Variants in MLLT1 observed in about 807,000 individuals in gnomAD.
MLLT1 encodes MLLT1 super elongation complex subunit, also known as protein ENL.
In MLLT1, 11 loss-of-function variants were observed where a neutral mutation model predicts 55.1. The observed-to-expected ratio is 0.20, with a 90% CI of 0.13 to 0.33. The LOEUF is 0.33. Ranked by LOEUF, MLLT1 falls within the 10% of genes least tolerant of loss-of-function variation. MLLT1 has a pLI of 1.00. For missense variants in MLLT1, 536 were observed against 760.6 expected (o/e 0.70, Z 3.47); for synonymous variants, 323 against 320.1 (o/e 1.01, Z -0.10).
chr19:6,256,953 G>C lies in MLLT1; in HGVS notation c.276+5275C>G, dbSNP rs879852082. ...CGAAAGAACAGTCTCTTCAGTGAAC[G>C]GTGCTGGGACACCTGGAAAACCACA... On this transcript the variant is annotated intron_variant, in intron 3 of 11. Transcript: ENST00000252674. This position sits in a 1 kb window ranked among gnomAD's most constrained non-coding sequence, Gnocchi z 4.1. Among the ~76,000 whole-genome samples the C allele has an allele frequency of 6.6e-6, 1 of 152,102 alleles. No homozygotes were observed. The highest frequency in any genetic ancestry group is 2.4e-5 in the African/African-American group (1 of 41,388).
At chr19:6,243,747 A>G (rs2091138246) in intron 3 of MLLT1, among the ~76,000 whole-genome samples, 1 of 151,974 alleles carries the variant, frequency 6.6e-6, no homozygotes, top group African/African-American at 2.4e-5. Context: ...AGCCTCACAT[A>G]AGAAGAAGTC....
intron 5 of MLLT1, among the ~76,000 whole-genome samples, chr19:6,223,255 G>C (rs2090921545): frequency 6.6e-6 from 1 of 152,222 alleles, no homozygotes; most frequent in African/African-American, 2.4e-5. Context: ...CTGGCTTCGG[G>C]AAGCCAACTG....
At position 6,235,239 on chromosome 19, in the gene MLLT1, G is replaced by A. The variant is rs759794578; in HGVS notation, c.277-4526C>T. 1.2e-4 allele frequency among the ~76,000 whole-genome samples: 18 copies of A among 152,214 alleles called. No individual in the cohort carries two copies. The highest frequency in any genetic ancestry group is 2.0e-4 in the Admixed American group (3 of 15,284). On this transcript the variant is annotated intron_variant, in intron 3 of 11. Coordinates refer to ENST00000252674, the MANE Select transcript of MLLT1 (RefSeq NM_005934.4). The surrounding 1 kb of genome is among the most constrained non-coding windows in gnomAD (Gnocchi z 5.5). Reference sequence around the variant, plus strand: ...TTTCCCTGGTAACTTCTGAGTGGACGCTGGCAGCACGGCTGTGCAGAGGAT... The same window carrying A: ...TTTCCCTGGTAACTTCTGAGTGGACACTGGCAGCACGGCTGTGCAGAGGAT...
chr19:6,242,116 C>A (rs1391560106), intron 3 of MLLT1, among the ~76,000 whole-genome samples: 1 of 152,210 alleles, frequency 6.6e-6, no homozygotes, highest in Non-Finnish European at 1.5e-5. Flanking sequence ...TGCCTCCCAG[C>A]CTCCCTGCCT....
intron 6 of MLLT1, among the ~76,000 whole-genome samples, chr19:6,221,502 C>A (rs1408331050): frequency 6.6e-6 from 1 of 152,178 alleles, no homozygotes; most frequent in Non-Finnish European, 1.5e-5. Flanking sequence ...TGACAGGGGT[C>A]CTCGTTCCAA....
chr19:6,262,181 GGGTCCC>G lies in MLLT1; in HGVS notation c.276+41_276+46del, dbSNP rs2091311244. 6.6e-7 allele frequency: 1 copy of G among 1,506,042 alleles called. No individual in the cohort carries two copies. The highest frequency in any genetic ancestry group is 1.7e-5 in the Admixed American group (1 of 59,708). The allele number at this position is 1,506,042 out of a possible 1,614,324, so 93.3% of individuals were successfully genotyped here. On this transcript the variant is annotated intron_variant, in intron 3 of 11. Coordinates refer to ENST00000252674, the MANE Select transcript of MLLT1 (RefSeq NM_005934.4). This position sits in a 1 kb window ranked among gnomAD's most constrained non-coding sequence, Gnocchi z 4.4. The stretch of plus-strand genomic sequence containing the variant: ...TGAACTGCCGTGGCACCCGGAGCAG[GGGTCCC>G]CACAGAGAGGCATCCTGCTTGCTCC...
At position 6,261,724 on chromosome 19, in the gene MLLT1, G is replaced by A. The variant is rs113823541; in HGVS notation, c.276+504C>T. ...TGGACTCCCACCACCCAGATGACCC[G>A]CGCCAACATTCTGGATAGAGATAAC... On this transcript the variant is annotated intron_variant, in intron 3 of 11. Transcript: ENST00000252674. 2.6e-3 allele frequency among the ~76,000 whole-genome samples: 401 copies of A among 151,648 alleles called. 1 individual carries two copies. The highest frequency in any genetic ancestry group is 9.2e-3 in the African/African-American group (379 of 41,316).
At chr19:6,215,413 C>G (rs950353441) in intron 8 of MLLT1, among the ~76,000 whole-genome samples, 1 of 152,332 alleles carries the variant, frequency 6.6e-6, no homozygotes, top group East Asian at 1.9e-4. Context: ...CAGCCCTCCT[C>G]GTGTCTAGAG....
chr19:6,218,159 C>T, intron 6 of MLLT1, 118 bp from the exon 7 acceptor site: 1 of 1,430,272 alleles, frequency 7.0e-7, no homozygotes, highest in Admixed American at 2.5e-5. Context: ...CCAGACACCC[C>T]TAGGGTCCCA....
chr19:6,216,695 C>T (rs1348125730), intron 7 of MLLT1, 182 bp from the exon 8 acceptor site: 11 of 572,390 alleles, frequency 1.9e-5, no homozygotes, highest in Admixed American at 6.4e-5. Flanking sequence ...GGCAGCCACC[C>T]GCTTCCCCTA....
At chr19:6,248,312 A>G (rs1237343539) in intron 3 of MLLT1, among the ~76,000 whole-genome samples, 1 of 152,224 alleles carries the variant, frequency 6.6e-6, no homozygotes, top group African/African-American at 2.4e-5. Flanking sequence ...CAAAATGGGT[A>G]TTAGTAACTG....
rs138583226 is a variant in MLLT1, at chr19:6,227,814, G to A, written c.421-712C>T. On this transcript the variant is annotated intron_variant, in intron 4 of 11. Transcript: ENST00000252674. The surrounding 1 kb of genome is among the most constrained non-coding windows in gnomAD (Gnocchi z 5.1). ...CTCCCAGGAAACACCTGCTGTGCAG[G>A]GGGAAGCTCGGAGCAAGGTCTTGAG... Among the ~76,000 whole-genome samples the A allele has an allele frequency of 2.0e-5, 3 of 152,312 alleles. No individual in the cohort carries two copies. In the East Asian group the frequency reaches 5.8e-4, roughly 29 times the overall value.
intron 7 of MLLT1, 112 bp downstream of exon 7, chr19:6,217,842 A>C (rs904465452): frequency 6.2e-6 from 9 of 1,451,738 alleles, no homozygotes; most frequent in Non-Finnish European, 8.3e-6. Context: ...CCATGTACAG[A>C]TCTGCAGGGC....
intron 3 of MLLT1, among the ~76,000 whole-genome samples, chr19:6,254,883 C>T (rs756877000): frequency 8.6e-5 from 13 of 150,750 alleles, no homozygotes; most frequent in South Asian, 2.1e-4. Flanking sequence ...AAGACTTTGA[C>T]GAAAGACATC....
intron 4 of MLLT1, among the ~76,000 whole-genome samples, chr19:6,228,390 T>C (rs894382052): frequency 6.6e-6 from 1 of 152,000 alleles, no homozygotes; most frequent in African/African-American, 2.4e-5. Flanking sequence ...GCACAGACCG[T>C]TGAGAAAAAG....
At chr19:6,275,884 A>AG (rs1380785274) in intron 1 of MLLT1, among the ~76,000 whole-genome samples, 1 of 152,194 alleles carries the variant, frequency 6.6e-6, no homozygotes, top group Non-Finnish European at 1.5e-5. Flanking sequence ...GGGACAGAGT[A>AG]TTTACGAACC....
intron 5 of MLLT1, among the ~76,000 whole-genome samples, chr19:6,224,435 TGA>T (rs1472648941): frequency 6.6e-6 from 1 of 152,146 alleles, no homozygotes; most frequent in Non-Finnish European, 1.5e-5. Context: ...GAGGGAGGTG[TGA>T]GAGACTGCAA....
intron 3 of MLLT1, among the ~76,000 whole-genome samples, chr19:6,233,275 G>A (rs923551641): frequency 1.1e-4 from 17 of 152,196 alleles, no homozygotes; most frequent in African/African-American, 2.2e-4. Context: ...CAGCTCCTGC[G>A]GCCGCCCAGG....
At chr19:6,217,169 G>A (rs2090853241) in intron 7 of MLLT1, among the ~76,000 whole-genome samples, 1 of 152,104 alleles carries the variant, frequency 6.6e-6, no homozygotes, top group Non-Finnish European at 1.5e-5. Context: ...AGCGAGTGTA[G>A]GCTTCAAGGG....
Sources: allele counts gnomAD v4.1 joint callset (sites outside exome capture counted in the v4.1 genomes callset), GRCh38; gene constraint gnomAD v4.1.1; non-coding constraint Gnocchi (gnomAD v3.1); transcripts MANE v1.5; gene names NCBI Gene and HGNC (gene_info 2026-07-23, HGNC 2026-07-21).